DAAM1: variants seen among roughly 807,000 people sequenced by gnomAD.
DAAM1 encodes disheveled-associated activator of morphogenesis 1.
A neutral mutation model predicts 130.0 loss-of-function variants in DAAM1; 52 were observed. The observed-to-expected ratio is 0.40, with a 90% confidence interval of 0.32 to 0.50. The LOEUF is 0.50. Ranked by LOEUF, DAAM1 falls within the 20% of genes least tolerant of loss-of-function variation. The probability of loss-of-function intolerance (pLI) is 0.61; values close to 1 mark genes in which losing one functional copy is unlikely to be tolerated. For missense variants in DAAM1, 1,134 were observed against 1,303.8 expected (o/e 0.87, Z 2.01); for synonymous variants, 452 against 444.5 (o/e 1.02, Z -0.21).
At chr14:59,312,562 C>T (rs965275327) in intron 3 of DAAM1, among the ~76,000 whole-genome samples, 1 of 152,072 alleles carries the variant, frequency 6.6e-6, no homozygotes, top group Non-Finnish European at 1.5e-5. Flanking sequence ...ATGTCTACCT[C>T]AGTAAGAAGA....
At chr14:59,312,313 C>T (rs549949054) in intron 3 of DAAM1, among the ~76,000 whole-genome samples, 1 of 152,186 alleles carries the variant, frequency 6.6e-6, no homozygotes, top group Non-Finnish European at 1.5e-5. Flanking sequence ...TTTGTGTATA[C>T]TCTTCCCAGT....
rs1885224692 is a variant in DAAM1 at position 59,326,919 on chromosome 14, G to A, written c.1314-14G>A. On this transcript the variant is annotated splice_polypyrimidine_tract_variant and intron_variant, in intron 11 of 24. Coordinates refer to ENST00000360909, the MANE Select transcript of DAAM1 (RefSeq NM_001270520.2). ...ATATTTTTTGTAATAAATGCTCCTT[G>A]AACTCTTACACAGGTTGGTTAATGA... is the stretch of plus-strand genomic sequence containing the variant. The A allele has an allele frequency of 6.2e-7, 1 of 1,613,442 alleles. No individual in the cohort carries two copies. The highest frequency in any genetic ancestry group is 8.5e-7 in the Non-Finnish European group (1 of 1,179,862).
intron 1 of DAAM1, among the ~76,000 whole-genome samples, chr14:59,244,912 G>A (rs529529647): frequency 2.0e-5 from 3 of 152,300 alleles, no homozygotes; most frequent in African/African-American, 7.2e-5. Flanking sequence ...AGCCAGGTTA[G>A]CAAGAACATT....
chr14:59,241,914 T>C (rs930171742), intron 1 of DAAM1, among the ~76,000 whole-genome samples: 3 of 152,174 alleles, frequency 2.0e-5, no homozygotes, highest in African/African-American at 2.4e-5. Context: ...TTCCCCCTCT[T>C]CCTCAAAATT....
At chr14:59,344,796 A>G (rs1209817792) in intron 16 of DAAM1, among the ~76,000 whole-genome samples, 2 of 152,188 alleles carry the variant, frequency 1.3e-5, no homozygotes, top group Admixed American at 1.3e-4. Flanking sequence ...TCTGTGCTCC[A>G]TATGGGGAGC....
At chr14:59,201,053 C>A (rs190979615) in intron 1 of DAAM1, among the ~76,000 whole-genome samples, 3 of 148,912 alleles carry the variant, frequency 2.0e-5, no homozygotes, top group African/African-American at 7.4e-5. Flanking sequence ...CCCAGCTACT[C>A]GGGAGTCTGA....
intron 2 of DAAM1, among the ~76,000 whole-genome samples, chr14:59,284,296 A>G (rs940343947): frequency 6.6e-6 from 1 of 152,162 alleles, no homozygotes; most frequent in African/African-American, 2.4e-5. Context: ...TCAGGGAAGA[A>G]ATAACAGGAC....
intron 1 of DAAM1, among the ~76,000 whole-genome samples, chr14:59,253,578 A>G (rs1438877425): frequency 2.6e-5 from 4 of 152,244 alleles, no homozygotes; most frequent in South Asian, 2.1e-4. Flanking sequence ...CTTTATTTTC[A>G]GTTCAGCAAA....
intron 2 of DAAM1, among the ~76,000 whole-genome samples, chr14:59,282,801 A>G (rs1017002705): frequency 2.6e-5 from 4 of 152,216 alleles, no homozygotes; most frequent in African/African-American, 9.7e-5. Context: ...ATAAAACACT[A>G]CTATTAAGAA....
chr14:59,331,865 A>G lies in DAAM1; in HGVS notation c.1913A>G (p.Lys638Arg), dbSNP rs1885454662. The change falls in exon 15 of 25, where the codon AAA (lysine) becomes AGA (arginine). Residue 638 changes from lysine (K) to arginine (R), a missense_variant. Lys to Arg is a conservative substitution (Grantham distance 26). Coordinates refer to ENST00000360909, the MANE Select transcript of DAAM1 (RefSeq NM_001270520.2). ...GAAATTGATGATACAAAAGTCTTCA[A>G]AATTCTAGATCTTGAAGACCTGGAA... The part of the protein sequence containing the change: ...WTEIDDTKVF[K>R]ILDLEDLERT... The G allele has an allele frequency of 3.1e-6, 5 of 1,614,106 alleles. No individual in the cohort carries two copies. In the Admixed American group the frequency reaches 6.7e-5, roughly 22 times the overall value.
At chr14:59,237,561 T>G (rs1049626621) in intron 1 of DAAM1, among the ~76,000 whole-genome samples, 1 of 152,226 alleles carries the variant, frequency 6.6e-6, no homozygotes, top group African/African-American at 2.4e-5. Context: ...ATACTTTTTC[T>G]AATGAAGGAA....
intron 3 of DAAM1, among the ~76,000 whole-genome samples, chr14:59,313,562 T>G (rs1017091827): frequency 3.3e-5 from 5 of 152,218 alleles, no homozygotes; most frequent in Admixed American, 3.3e-4. Context: ...ACCTCAGTCA[T>G]GGGACTTGAT....
At chr14:59,224,365 A>C (rs562186007) in intron 1 of DAAM1, among the ~76,000 whole-genome samples, 1 of 152,368 alleles carries the variant, frequency 6.6e-6, no homozygotes, top group East Asian at 1.9e-4. Context: ...TCACCCCTGC[A>C]ACTTTCAAAT....
intron 3 of DAAM1, among the ~76,000 whole-genome samples, chr14:59,308,454 C>T (rs990687506): frequency 4.0e-5 from 6 of 151,894 alleles, no homozygotes; most frequent in African/African-American, 1.5e-4. Context: ...AGGGACCAAA[C>T]AAAAGCCAAC....
chr14:59,334,358 G>C (rs188223936), intron 15 of DAAM1, among the ~76,000 whole-genome samples: 53 of 152,284 alleles, frequency 3.5e-4, no homozygotes, highest in African/African-American at 1.3e-3. Context: ...AGTCTTGGCA[G>C]TGCATTATAT....
intron 1 of DAAM1, among the ~76,000 whole-genome samples, chr14:59,259,002 G>A (rs746708178): frequency 6.6e-6 from 1 of 152,120 alleles, no homozygotes; most frequent in Non-Finnish European, 1.5e-5. Context: ...GAACTGTTGG[G>A]ATTTTCTTTT....
intron 1 of DAAM1, among the ~76,000 whole-genome samples, chr14:59,219,977 T>A (rs1047530904): frequency 6.6e-6 from 1 of 152,188 alleles, no homozygotes; most frequent in Non-Finnish European, 1.5e-5. Flanking sequence ...AATTCAAGAG[T>A]GGTTCCTGCT....
intron 2 of DAAM1, among the ~76,000 whole-genome samples, chr14:59,280,327 T>C (rs1411903759): frequency 6.6e-6 from 1 of 152,124 alleles, no homozygotes; most frequent in African/African-American, 2.4e-5. Context: ...CTCAGCACTT[T>C]GGGAGGCTGA....
intron 18 of DAAM1, 69 bp downstream of exon 18, chr14:59,352,701 A>T (rs1448801312): frequency 5.0e-6 from 7 of 1,404,354 alleles, no homozygotes; most frequent in African/African-American, 2.9e-5. Context: ...TTTTCAATTC[A>T]TGTTGAATTG....
Sources: gnomAD v4.1 joint callset for allele counts (sites outside exome capture counted in the v4.1 genomes callset) on GRCh38, gnomAD v4.1.1 for gene constraint, MANE v1.5 for transcripts, NCBI Gene and HGNC (gene_info 2026-07-23, HGNC 2026-07-21) for gene names.